Variants in CUL1 observed in about 807,000 individuals in gnomAD.
The protein encoded by CUL1 is cullin-1.
Under a neutral mutation model 118.0 loss-of-function variants are expected in CUL1, and 24 were observed. The observed-to-expected ratio is 0.20, with a 90% CI of 0.15 to 0.29. The LOEUF (loss-of-function observed/expected upper bound fraction) is 0.29, where lower values mean the gene tolerates loss of function less well. CUL1 is among the 10% of genes least tolerant of loss of function. The pLI is 1.00. For synonymous variants in CUL1, 332 were observed against 340.4 expected (o/e 0.98, Z 0.27); for missense variants, 361 against 933.8 (o/e 0.39, Z 7.99).
chr7:148,769,134 C>T (rs1800116826), intron 9 of CUL1, among the ~76,000 whole-genome samples: 1 of 152,106 alleles, frequency 6.6e-6, no homozygotes, highest in African/African-American at 2.4e-5. Context: ...CTATCTCACC[C>T]TTGGCGAGTT....
In CUL1 at chr7:148,786,904, C is replaced by T; in HGVS notation, c.1348-85C>T. 5 of 1,531,454 alleles carry T rather than the reference C, an allele frequency of 3.3e-6. No homozygotes were observed. The South Asian group carries it at 6.1e-5, about 19-fold the overall frequency. 94.9% of individuals were successfully genotyped at this position (1,531,454 alleles called of 1,614,324 possible). On this transcript the variant is annotated intron_variant, in intron 12 of 21. Coordinates refer to ENST00000325222, the MANE Select transcript of CUL1 (RefSeq NM_003592.3). The stretch of plus-strand genomic sequence containing the variant: ...CAAAGCCAAAGGCACATCTTGGCTC[C>T]TGGCTTGTGGCCGGTGACAGTCAGC...
rs765533130 is a variant in CUL1, at chr7:148,789,832, G to T, written c.1674+6G>T. ...CATTTGCCTTGCCGTCAGAGGTAAG[G>T]ATGGGTTTGTCTGCCATCCCATTAG... is the stretch of plus-strand genomic sequence containing the variant. On this transcript the variant is annotated splice_donor_region_variant and intron_variant, in intron 15 of 21. Coordinates refer to ENST00000325222, the MANE Select transcript of CUL1 (RefSeq NM_003592.3). 1 of 1,613,942 alleles carries T rather than the reference G, an allele frequency of 6.2e-7. No homozygotes were observed. Among genetic ancestry groups the T allele is most frequent in the East Asian group, 2.2e-5 (1 of 44,880 alleles).
chr7:148,785,150 A>G (rs1321471927), intron 11 of CUL1, among the ~76,000 whole-genome samples: 2 of 151,368 alleles, frequency 1.3e-5, no homozygotes, highest in Admixed American at 1.3e-4. Context: ...TGAGTGTTTG[A>G]TTTTTTTTTC....
chr7:148,732,224 C>T (rs1798785316), intron 2 of CUL1, among the ~76,000 whole-genome samples: 1 of 152,104 alleles, frequency 6.6e-6, no homozygotes, highest in African/African-American at 2.4e-5. Flanking sequence ...TTCTGATGTA[C>T]AGGAAGCAGG....
chr7:148,776,334 T>TTTTTTTTG (rs1800399324), intron 9 of CUL1, among the ~76,000 whole-genome samples: 1 of 133,640 alleles, frequency 7.5e-6, no homozygotes, highest in Non-Finnish European at 1.6e-5. Context: ...TTTTTTTTTT[T>TTTTTTTTG]GAGATGGAGT....
At chr7:148,771,311 A>G (rs2129461267) in intron 9 of CUL1, among the ~76,000 whole-genome samples, 1 of 152,344 alleles carries the variant, frequency 6.6e-6, no homozygotes, top group South Asian at 2.1e-4. Context: ...CCAGTTTATC[A>G]TGTAAGTCAA....
intron 2 of CUL1, among the ~76,000 whole-genome samples, chr7:148,745,116 C>G (rs1453646895): frequency 6.6e-6 from 1 of 152,108 alleles, no homozygotes; most frequent in Non-Finnish European, 1.5e-5. Context: ...AAACCCATGA[C>G]TCGTCTTTAT....
chr7:148,760,258 C>A, intron 6 of CUL1, 75 bp from the exon 7 acceptor site: 2 of 1,243,270 alleles, frequency 1.6e-6, no homozygotes, highest in Non-Finnish European at 2.2e-6. Context: ...AAACTGAATG[C>A]TACACCTAAG....
chr7:148,752,507 G>A (rs1447375992), intron 2 of CUL1, among the ~76,000 whole-genome samples: 1 of 151,888 alleles, frequency 6.6e-6, no homozygotes, highest in East Asian at 1.9e-4. Flanking sequence ...GGGGGCATTA[G>A]TATATATTTA....
chr7:148,728,489 A>G (rs1465131221), intron 1 of CUL1, among the ~76,000 whole-genome samples: 1 of 152,190 alleles, frequency 6.6e-6, no homozygotes, highest in Non-Finnish European at 1.5e-5. Context: ...AAACATGGTT[A>G]TTATTATAGG....
At chr7:148,758,957 G>T (rs571645454) in intron 4 of CUL1, among the ~76,000 whole-genome samples, 1 of 152,014 alleles carries the variant, frequency 6.6e-6, no homozygotes, top group African/African-American at 2.4e-5. Context: ...GGATGGTCTT[G>T]GTTCATTTCC....
intron 9 of CUL1, among the ~76,000 whole-genome samples, chr7:148,775,009 A>G (rs1286614094): frequency 6.6e-6 from 1 of 152,222 alleles, no homozygotes; most frequent in Non-Finnish European, 1.5e-5. Context: ...TGGAAGACTA[A>G]GGGGTAGATC....
chr7:148,773,526 G>A (rs1366932078), intron 9 of CUL1, among the ~76,000 whole-genome samples: 3 of 152,146 alleles, frequency 2.0e-5, no homozygotes, highest in Non-Finnish European at 4.4e-5. Context: ...CGAAGCTCAC[G>A]CCTCATTATA....
In CUL1 at chr7:148,766,870, A is replaced by C. The variant is rs915754282; in HGVS notation, c.952+147A>C. The C allele has an allele frequency of 7.0e-6, 5 of 711,458 alleles. No homozygotes were observed. In the African/African-American group the frequency reaches 9.1e-5, roughly 13 times the overall value. 44.1% of individuals were successfully genotyped at this position (711,458 alleles called of 1,614,324 possible). A position where few individuals can be genotyped will look rare whatever the true frequency, so the allele number is the denominator to read the frequency against. ...TGTGTTTGTACATCGTTATGTGCCA[A>C]TTTCAGACTTCTGCAGAGCATTTTG... On this transcript the variant is annotated intron_variant, in intron 8 of 21. Coordinates refer to ENST00000325222, the MANE Select transcript of CUL1 (RefSeq NM_003592.3).
chr7:148,698,841 AGGAGGAGGGCCGGGCGGGCAGG>A (rs1232009080), upstream of CUL1: 4 of 149,344 alleles, frequency 2.7e-5, no homozygotes, highest in Non-Finnish European at 4.4e-5. Context: ...CGGCGGCGGG[AGGAGGAGGGCCGGGCGGGCAGG>A]GGAGGAGGAG....
chr7:148,732,353 T>C (rs948909040), intron 2 of CUL1, among the ~76,000 whole-genome samples: 18 of 151,778 alleles, frequency 1.2e-4, no homozygotes, highest in Admixed American at 6.5e-4. Flanking sequence ...CCATTTTTTT[T>C]TTTTTTTTTT....
chr7:148,766,739 CAT>C lies in CUL1; in HGVS notation c.952+18_952+19del, dbSNP rs1171012972. The C allele has an allele frequency of 3.1e-6, 5 of 1,599,636 alleles. No individual in the cohort carries two copies. In the South Asian group the frequency reaches 3.4e-5, roughly 11 times the overall value. ...AAAAATGAAGGTGAGCCACAAGACT[CAT>C]AAAATGTAGGTATTTATAATTATCT... On this transcript the variant is annotated intron_variant, in intron 8 of 21. Transcript: ENST00000325222.
intron 1 of CUL1, among the ~76,000 whole-genome samples, chr7:148,699,792 C>T (rs2129458676): frequency 6.6e-6 from 1 of 152,192 alleles, no homozygotes; most frequent in Non-Finnish European, 1.5e-5. Flanking sequence ...CGGGCCGGGC[C>T]CTGCGCTGCG....
Position 148,789,601 on chromosome 7 carries a change from T to A in CUL1, c.1598-149T>A, listed in dbSNP as rs1800939599. On this transcript the variant is annotated intron_variant, in intron 14 of 21. Transcript: ENST00000325222. ...ATTTTAATTGAATAAAATGTTCAAT[T>A]CTTAATTTTATATTCAAGCAGGATT... 4 of 678,462 alleles carry A rather than the reference T, an allele frequency of 5.9e-6. No individual in the cohort carries two copies. The South Asian group carries it at 7.5e-5, about 13-fold the overall frequency. The allele number at this position is 678,462 out of a possible 1,614,324, so 42.0% of individuals were successfully genotyped here. A position where few individuals can be genotyped will look rare whatever the true frequency, so the allele number is the denominator to read the frequency against.
Sources: allele counts gnomAD v4.1 joint callset (sites outside exome capture counted in the v4.1 genomes callset), GRCh38; gene constraint gnomAD v4.1.1; transcripts MANE v1.5; gene names NCBI Gene and HGNC (gene_info 2026-07-23, HGNC 2026-07-21).